CLYBL: variants seen among roughly 807,000 people sequenced by gnomAD.
The protein encoded by CLYBL is citramalyl-CoA lyase, mitochondrial.
In CLYBL, 31 loss-of-function variants were observed where a neutral mutation model predicts 38.9. The observed-to-expected ratio is 0.80, with a 90% CI of 0.60 to 1.08. The LOEUF is 1.08. Among genes scored for constraint, CLYBL ranks in the 50% least tolerant of loss-of-function variants. The pLI is 0.00. For synonymous variants in CLYBL, 171 were observed against 158.6 expected, an observed-to-expected ratio of 1.08 and a Z score of -0.59; for missense variants, 434 against 411.6, an observed-to-expected ratio of 1.05 and a Z score of -0.47.
At chr13:99,805,143 T>C (rs1005460057) in intron 2 of CLYBL, among the ~76,000 whole-genome samples, 2 of 152,224 alleles carry the variant, frequency 1.3e-5, no homozygotes, top group Non-Finnish European at 2.9e-5. Flanking sequence ...ATATACCACA[T>C]TTTGCTTATC....
intron 1 of CLYBL, among the ~76,000 whole-genome samples, chr13:99,614,337 AAAAG>A (rs2046674518): frequency 6.6e-6 from 1 of 152,096 alleles, no homozygotes; most frequent in Non-Finnish European, 1.5e-5. Flanking sequence ...GGCTGAAGAG[AAAAG>A]AAAGAAGGAG....
intron 1 of CLYBL, among the ~76,000 whole-genome samples, chr13:99,686,013 A>G (rs996795642): frequency 6.6e-6 from 1 of 152,142 alleles, no homozygotes; most frequent in Non-Finnish European, 1.5e-5. Flanking sequence ...TCCCTGTGAT[A>G]AGAGTGCTGT....
downstream of CLYBL, among the ~76,000 whole-genome samples, chr13:99,900,323 G>A (rs569374454): frequency 4.6e-5 from 7 of 152,184 alleles, no homozygotes; most frequent in African/African-American, 1.4e-4. Context: ...CACTCCCACA[G>A]CCACGTGCAT....
At chr13:99,620,295 C>T (rs1245746666) in intron 1 of CLYBL, among the ~76,000 whole-genome samples, 1 of 152,182 alleles carries the variant, frequency 6.6e-6, no homozygotes, top group Non-Finnish European at 1.5e-5. Flanking sequence ...TTTTCTGCTC[C>T]ATTTGGGTTC....
At chr13:99,751,056 T>C (rs2048947859) in intron 1 of CLYBL, among the ~76,000 whole-genome samples, 1 of 152,206 alleles carries the variant, frequency 6.6e-6, no homozygotes, top group Non-Finnish European at 1.5e-5. Flanking sequence ...ACAGCCATGT[T>C]CGTAGCAGCA....
At chr13:99,795,654 A>C (rs2050007189) in intron 2 of CLYBL, among the ~76,000 whole-genome samples, 1 of 152,152 alleles carries the variant, frequency 6.6e-6, no homozygotes, top group East Asian at 1.9e-4. Context: ...AACCTGTCTC[A>C]AAAACACAAA....
At chr13:99,864,941 CTGTG>C (rs3831038) in intron 5 of CLYBL, 30 bp downstream of exon 5, 76 of 1,355,022 alleles carry the variant, frequency 5.6e-5, no homozygotes, top group East Asian at 2.1e-4. Flanking sequence ...CTCTCTTTTT[CTGTG>C]TGTGTGTGTG....
chr13:99,771,900 A>G (rs1187148039), intron 1 of CLYBL, among the ~76,000 whole-genome samples: 1 of 152,188 alleles, frequency 6.6e-6, no homozygotes, highest in African/African-American at 2.4e-5. Context: ...TCTTCTCAAC[A>G]ACCTACAAAT....
intron 7 of CLYBL, among the ~76,000 whole-genome samples, chr13:99,873,228 C>T (rs895927987): frequency 1.3e-5 from 2 of 152,184 alleles, no homozygotes; most frequent in African/African-American, 4.8e-5. Flanking sequence ...TGCCTATAAA[C>T]TGGCCGGTCA....
intron 1 of CLYBL, among the ~76,000 whole-genome samples, chr13:99,686,332 C>T (rs541357195): frequency 4.6e-5 from 7 of 152,316 alleles, no homozygotes; most frequent in South Asian, 2.1e-4. Context: ...CTGAGCTCAC[C>T]GGCTCGGCCC....
At chr13:99,707,568 A>G (rs1032482121) in intron 1 of CLYBL, among the ~76,000 whole-genome samples, 1 of 152,114 alleles carries the variant, frequency 6.6e-6, no homozygotes, top group Non-Finnish European at 1.5e-5. Flanking sequence ...CATTGCACCC[A>G]GCCTGGATTA....
intron 1 of CLYBL, among the ~76,000 whole-genome samples, chr13:99,764,068 G>T (rs1412672199): frequency 6.6e-6 from 1 of 151,840 alleles, no homozygotes; most frequent in African/African-American, 2.4e-5. Flanking sequence ...TTTGAGACAG[G>T]GTCTTGCCCT....
At chr13:99,900,319 C>G (rs1046689958), downstream of CLYBL, among the ~76,000 whole-genome samples, 9 of 152,212 alleles carry the variant, frequency 5.9e-5, no homozygotes, top group African/African-American at 1.9e-4. Context: ...GGCACACTCC[C>G]ACAGCCACGT....
intron 1 of CLYBL, among the ~76,000 whole-genome samples, chr13:99,700,035 A>AAATT (rs1334529902): frequency 3.3e-5 from 5 of 152,082 alleles, no homozygotes. Context: ...ATAAATAAAT[A>AAATT]AACCTAATGT....
intron 1 of CLYBL, among the ~76,000 whole-genome samples, chr13:99,684,851 C>T (rs2047794543): frequency 6.6e-6 from 1 of 152,300 alleles, no homozygotes; most frequent in South Asian, 2.1e-4. Context: ...ATTGTATGTT[C>T]CTGTTCACAC....
At chr13:99,833,090 G>A (rs2050857273) in intron 2 of CLYBL, among the ~76,000 whole-genome samples, 1 of 124,716 alleles carries the variant, frequency 8.0e-6, no homozygotes, top group South Asian at 2.7e-4. Context: ...TGCCCAGGCT[G>A]GAGTACAATG....
intron 2 of CLYBL, among the ~76,000 whole-genome samples, chr13:99,818,616 G>A (rs1202361231): frequency 6.6e-6 from 1 of 152,170 alleles, no homozygotes; most frequent in African/African-American, 2.4e-5. Context: ...GAAATGTGTT[G>A]CGAAGTCATT....
At chr13:99,803,327 G>A (rs1315380541) in intron 2 of CLYBL, among the ~76,000 whole-genome samples, 2 of 152,252 alleles carry the variant, frequency 1.3e-5, no homozygotes, top group East Asian at 1.9e-4. Context: ...CAACATTGTG[G>A]GTTGGAGAGT....
intron 2 of CLYBL, among the ~76,000 whole-genome samples, chr13:99,784,890 A>T (rs1418859249): frequency 1.3e-5 from 2 of 151,198 alleles, no homozygotes; most frequent in African/African-American, 2.4e-5. Context: ...ATCCTTTGAC[A>T]TTTTTTTTTG....
Sources: gnomAD v4.1 joint callset for allele counts (sites outside exome capture counted in the v4.1 genomes callset) on GRCh38, gnomAD v4.1.1 for gene constraint, MANE v1.5 for transcripts, NCBI Gene and HGNC (gene_info 2026-07-23, HGNC 2026-07-21) for gene names.